Variants in ERICH6B observed in about 807,000 individuals in gnomAD.
ERICH6B encodes the protein glutamate-rich protein 6B.
In ERICH6B, 69 loss-of-function variants were observed where a neutral mutation model predicts 80.0. The ratio of observed to expected loss-of-function variants is 0.86; its 90% CI spans 0.71 to 1.05. The LOEUF (loss-of-function observed/expected upper bound fraction) is 1.05, where lower values mean the gene tolerates loss of function less well. ERICH6B is among the 50% of genes least tolerant of loss of function. The pLI, the probability that ERICH6B is intolerant of heterozygous loss-of-function variation, is 0.00. For synonymous variants in ERICH6B, 283 were observed against 291.9 expected (o/e 0.97, Z 0.31); for missense variants, 754 against 796.1 (o/e 0.95, Z 0.64).
At chr13:45,543,209 C>T (rs1407829263) in intron 14 of ERICH6B, among the ~76,000 whole-genome samples, 1 of 151,942 alleles carries the variant, frequency 6.6e-6, no homozygotes, top group Non-Finnish European at 1.5e-5. Context: ...CAAGGACACC[C>T]TCATTCCTCT....
intron 7 of ERICH6B, among the ~76,000 whole-genome samples, chr13:45,577,274 A>ACCTTTTTTT (rs1566295865): frequency 1.8e-5 from 2 of 110,792 alleles, no homozygotes; most frequent in African/African-American, 8.0e-5. Context: ...TTAAAAACAA[A>ACCTTTTTTT]TCTTTTTTTT....
At chr13:45,598,755 C>T (rs1949804835) in intron 2 of ERICH6B, among the ~76,000 whole-genome samples, 1 of 152,146 alleles carries the variant, frequency 6.6e-6, no homozygotes, top group South Asian at 2.1e-4. Context: ...ACTTGCCGCC[C>T]AGCGGTGAGG....
intron 13 of ERICH6B, among the ~76,000 whole-genome samples, chr13:45,549,290 A>C (rs560162532): frequency 9.2e-5 from 14 of 152,256 alleles, no homozygotes; most frequent in African/African-American, 1.2e-4. Context: ...CACAAAAAAA[A>C]AAAAAAGTAT....
rs1874143893 is a variant in ERICH6B, at chr13:45,549,873, G to T, written c.1646+20C>A. On this transcript the variant is annotated intron_variant, in intron 13 of 14. Coordinates refer to ENST00000298738, the MANE Select transcript of ERICH6B (RefSeq NM_182542.3). ...CTTCTCCATGGGCAGGAGTGTTAGG[G>T]ACTCATGACCCAAGCTTACCAGATA... 1.3e-6 allele frequency: 2 copies of T among 1,546,492 alleles called. No homozygotes were observed. The highest frequency in any genetic ancestry group is 1.2e-5 in the South Asian group (1 of 83,878).
chr13:45,608,840 G>A (rs927385711), intron 1 of ERICH6B, among the ~76,000 whole-genome samples: 7 of 152,306 alleles, frequency 4.6e-5, no homozygotes, highest in African/African-American at 1.7e-4. Context: ...TGGGCACCGT[G>A]AAAAATTCAC....
At chr13:45,597,164 A>G (rs1289988142) in intron 2 of ERICH6B, 101 bp from the exon 3 acceptor site, 1 of 834,416 alleles carries the variant, frequency 1.2e-6, no homozygotes, top group Non-Finnish European at 1.8e-6. Flanking sequence ...TAGTCTTTGG[A>G]GGGCTCTTTA....
At chr13:45,592,963 T>C (rs574621772) in intron 3 of ERICH6B, among the ~76,000 whole-genome samples, 2 of 152,344 alleles carry the variant, frequency 1.3e-5, no homozygotes, top group East Asian at 3.9e-4. Context: ...GTAAGTGACA[T>C]GCCCAAGGTC....
chr13:45,543,898 G>T (rs114557849), intron 14 of ERICH6B, among the ~76,000 whole-genome samples: 2,320 of 152,184 alleles, frequency 0.015, 69 homozygotes, highest in African/African-American at 0.052. Context: ...CTTGTTTCTG[G>T]CCCTGACTTC....
chr13:45,588,576 C>T (rs181068167), intron 4 of ERICH6B, among the ~76,000 whole-genome samples: 164 of 152,290 alleles, frequency 1.1e-3, no homozygotes, highest in Middle Eastern at 3.4e-3. Context: ...ACCTCACTCA[C>T]CTGGTGCCCA....
intron 7 of ERICH6B, among the ~76,000 whole-genome samples, chr13:45,577,377 G>A (rs954781728): frequency 4.5e-5 from 6 of 132,968 alleles, no homozygotes; most frequent in East Asian, 2.7e-4. Flanking sequence ...TCCGCCTCCC[G>A]GGTTCAACCC....
At chr13:45,557,493 G>A (rs1029603329) in intron 11 of ERICH6B, among the ~76,000 whole-genome samples, 10 of 152,120 alleles carry the variant, frequency 6.6e-5, no homozygotes, top group African/African-American at 2.2e-4. Flanking sequence ...TTTTGGTCAT[G>A]AAATCCTTGC....
intron 11 of ERICH6B, among the ~76,000 whole-genome samples, chr13:45,554,905 T>C (rs192348670): frequency 6.6e-6 from 1 of 152,338 alleles, no homozygotes; most frequent in East Asian, 1.9e-4. Context: ...CAGCTTGGGA[T>C]TTATTGCCTG....
chr13:45,614,953 C>A (rs1357174240), intron 1 of ERICH6B, among the ~76,000 whole-genome samples: 1 of 152,226 alleles, frequency 6.6e-6, no homozygotes, highest in African/African-American at 2.4e-5. Context: ...TCTGGCAACC[C>A]CCTTAGACCA....
intron 2 of ERICH6B, among the ~76,000 whole-genome samples, chr13:45,604,992 GCTTTTGAGGCC>G (rs989286474): frequency 3.3e-5 from 5 of 152,180 alleles, no homozygotes; most frequent in Admixed American, 1.3e-4. Flanking sequence ...GCTGGGCCAA[GCTTTTGAGGCC>G]CTTTAGTCTC....
At chr13:45,549,142 G>A (rs898378471) in intron 13 of ERICH6B, among the ~76,000 whole-genome samples, 3 of 152,016 alleles carry the variant, frequency 2.0e-5, no homozygotes, top group African/African-American at 7.2e-5. Context: ...AAACTAGCTG[G>A]GCTTGGCGGT....
intron 10 of ERICH6B, among the ~76,000 whole-genome samples, chr13:45,562,078 A>C (rs1593780454): frequency 6.6e-6 from 1 of 152,224 alleles, no homozygotes; most frequent in African/African-American, 2.4e-5. Flanking sequence ...TGACTGATTG[A>C]CTGAGACAGA....
chr13:45,577,981 T>C (rs1434387751), intron 7 of ERICH6B, among the ~76,000 whole-genome samples: 1 of 152,224 alleles, frequency 6.6e-6, no homozygotes, highest in Non-Finnish European at 1.5e-5. Flanking sequence ...ATATTATAAT[T>C]CCCACATTAC....
Position 45,596,543 on chromosome 13 carries a change from C to A in ERICH6B, c.463G>T (p.Val155Leu). The A allele has an allele frequency of 6.4e-7, 1 of 1,551,162 alleles. No homozygotes were observed. The highest frequency in any genetic ancestry group is 1.2e-5 in the South Asian group (1 of 83,984). ...TACGCTTTCTTCCCCAGATAATCTA[C>A]CTCCTCAATATAATCTTCCTTCTCC... ...YLEKEDYIEE[V>L]DYLGKKAYLE... Residue 155 changes from valine (V) to leucine (L), a missense_variant, in exon 3 of 15, where the codon GTA (valine) becomes TTA (leucine). Val to Leu is a conservative substitution (Grantham distance 32). Coordinates refer to ENST00000298738, the MANE Select transcript of ERICH6B (RefSeq NM_182542.3).
chr13:45,596,566 T>A lies in ERICH6B; in HGVS notation c.440A>T (p.Glu147Val). The part of the protein sequence containing the change: ...EEYLGKEGYL[E>V]KEDYIEEVDY... ...TACCTCCTCAATATAATCTTCCTTC[T>A]CCAGATACCCTTCCTTCCCCAGATA... Residue 147 changes from glutamate to valine, a missense_variant, in exon 3 of 15, where the codon GAG (glutamate) becomes GTG (valine). Transcript: ENST00000298738. 1 of 1,547,550 alleles carries A rather than the reference T, an allele frequency of 6.5e-7. No individual in the cohort carries two copies. Among genetic ancestry groups the A allele is most frequent in the South Asian group, 1.2e-5 (1 of 83,704 alleles).
Sources: allele counts gnomAD v4.1 joint callset (sites outside exome capture counted in the v4.1 genomes callset), GRCh38; gene constraint gnomAD v4.1.1; transcripts MANE v1.5; gene names NCBI Gene and HGNC (gene_info 2026-07-23, HGNC 2026-07-21).